The following CLDN14 variants were observed in gnomAD, a reference collection of about 807,000 sequenced individuals.
CLDN14 encodes claudin 14, also known as claudin-14.
A neutral mutation model predicts 2.1 loss-of-function variants in CLDN14; 2 were observed. That is an observed-to-expected ratio of 0.96 (90% CI 0.39 to 3.01). The LOEUF (loss-of-function observed/expected upper bound fraction) is 3.01. CLDN14 is among the 30% of genes most tolerant of loss of function. CLDN14 has a pLI of 0.09. For synonymous variants in CLDN14, 136 were observed against 154.4 expected (o/e 0.88, Z 0.88); for missense variants, 298 against 328.0 (o/e 0.91, Z 0.71).
intron 1 of CLDN14, among the ~76,000 whole-genome samples, chr21:36,568,639 C>T (rs954870327): frequency 1.9e-4 from 29 of 152,146 alleles, no homozygotes; most frequent in African/African-American, 6.0e-4. Context: ...GTGGGAGGAT[C>T]GCTTGAGCCC....
At chr21:36,522,438 C>A (rs548163164) in intron 1 of CLDN14, among the ~76,000 whole-genome samples, 1 of 152,334 alleles carries the variant, frequency 6.6e-6, no homozygotes, top group Non-Finnish European at 1.5e-5. Context: ...GGGGTTTGCA[C>A]ACAATCCTGC....
At chr21:36,529,973 C>T (rs1239312809) in intron 1 of CLDN14, among the ~76,000 whole-genome samples, 1 of 152,144 alleles carries the variant, frequency 6.6e-6, no homozygotes, top group African/African-American at 2.4e-5. Flanking sequence ...GACACCTGAG[C>T]GGGCACCTGC....
intron 1 of CLDN14, among the ~76,000 whole-genome samples, chr21:36,558,398 T>C (rs1190638616): frequency 6.6e-6 from 1 of 152,188 alleles, no homozygotes; most frequent in Non-Finnish European, 1.5e-5. Flanking sequence ...TAAACAATAT[T>C]AAGTCTTCTA....
chr21:36,539,417 CTG>C (rs571550123), intron 1 of CLDN14, among the ~76,000 whole-genome samples: 22 of 69,130 alleles, frequency 3.2e-4, no homozygotes, highest in African/African-American at 6.0e-4. Context: ...TGTGGAGTGA[CTG>C]TGGAGTGTGT....
chr21:36,514,057 C>T (rs4817805), intron 1 of CLDN14, among the ~76,000 whole-genome samples: 112,182 of 151,762 alleles, frequency 0.74, 44,158 homozygotes, highest in Non-Finnish European at 0.91. Context: ...GGGTTTCTCA[C>T]GTTGCCCAGG....
intron 1 of CLDN14, chr21:36,526,384 G>A (rs1388539932): frequency 6.6e-6 from 1 of 152,222 alleles, no homozygotes; most frequent in African/African-American, 2.4e-5. Flanking sequence ...ATGCTGAAGT[G>A]TAGCCTCAGG....
At chr21:36,506,835 G>A (rs1017804131) in intron 2 of CLDN14, among the ~76,000 whole-genome samples, 1 of 152,076 alleles carries the variant, frequency 6.6e-6, no homozygotes, top group Non-Finnish European at 1.5e-5. Context: ...AGAGTTACAA[G>A]AGGCCAGGTG....
chr21:36,510,378 A>T (rs1386874936), exon 2 of CLDN14: 1 of 152,276 alleles, frequency 6.6e-6, no homozygotes, highest in Non-Finnish European at 1.5e-5. Context: ...ACATCAGGAA[A>T]ACAAGAGGCC....
At chr21:36,565,265 C>T (rs1046597531) in intron 1 of CLDN14, among the ~76,000 whole-genome samples, 1 of 152,136 alleles carries the variant, frequency 6.6e-6, no homozygotes. Context: ...GTCTCTCAGC[C>T]CAGCCCTTGC....
At chr21:36,461,810 G>A (rs1271714663) in intron 1 of CLDN14, 34 bp from the exon 2 acceptor site, 3 of 1,374,872 alleles carry the variant, frequency 2.2e-6, no homozygotes, top group Admixed American at 2.2e-5. Context: ...AGCAGGGAGA[G>A]AAAGGAAATG....
At position 36,559,716 on chromosome 21, in the gene CLDN14, AC is replaced by A. The variant is rs1420580512; in HGVS notation, c.-220+16694del. Among the ~76,000 whole-genome samples the A allele has an allele frequency of 1.3e-4, 20 of 152,254 alleles. 1 individual carries two copies. Among genetic ancestry groups the A allele is most frequent in the African/African-American group, 4.8e-4 (20 of 41,468 alleles). ...TTTAACAGAAAGTACAAATATGAATACATTATAATTTGTAACTGCATTTAAA... is the reference window on the plus strand; with the variant it reads ...TTTAACAGAAAGTACAAATATGAATAATTATAATTTGTAACTGCATTTAAA... On this transcript the variant is annotated intron_variant, in intron 1 of 2. Transcript: ENST00000342108.
intron 1 of CLDN14, among the ~76,000 whole-genome samples, chr21:36,463,698 C>G (rs1318346985): frequency 6.6e-6 from 1 of 152,070 alleles, no homozygotes; most frequent in Admixed American, 6.6e-5. Flanking sequence ...GGCAACAGAG[C>G]AAGACTCTGT....
At chr21:36,567,738 A>T (rs2087683451) in intron 1 of CLDN14, among the ~76,000 whole-genome samples, 1 of 152,078 alleles carries the variant, frequency 6.6e-6, no homozygotes, top group Non-Finnish European at 1.5e-5. Context: ...GGCTCCATTC[A>T]CCTCAAATCC....
intron 1 of CLDN14, among the ~76,000 whole-genome samples, chr21:36,511,988 G>C (rs1340622348): frequency 6.6e-6 from 1 of 152,214 alleles, no homozygotes; most frequent in Non-Finnish European, 1.5e-5. Flanking sequence ...GTGGGTAACT[G>C]TTCCAGCTCA....
chr21:36,504,286 G>C (rs1049744269), intron 2 of CLDN14, among the ~76,000 whole-genome samples: 2 of 151,878 alleles, frequency 1.3e-5, no homozygotes, highest in African/African-American at 4.8e-5. Context: ...GCTGAAGAGA[G>C]TTATGATCGT....
chr21:36,463,993 G>C (rs545776319), intron 1 of CLDN14, among the ~76,000 whole-genome samples: 1 of 152,218 alleles, frequency 6.6e-6, no homozygotes, highest in Non-Finnish European at 1.5e-5. Flanking sequence ...AGGTGATAGG[G>C]TTTGGATTTG....
intron 1 of CLDN14, among the ~76,000 whole-genome samples, chr21:36,465,204 C>A (rs1055393438): frequency 6.6e-6 from 1 of 152,132 alleles, no homozygotes; most frequent in Non-Finnish European, 1.5e-5. Flanking sequence ...ACAGGGTGTC[C>A]CTGGTCCAAG....
At chr21:36,480,378 G>C (rs985033049), upstream of CLDN14, 9 of 152,264 alleles carry the variant, frequency 5.9e-5, no homozygotes, top group African/African-American at 2.2e-4. Flanking sequence ...GGAAGAAGGT[G>C]ACTTTCTTGG....
intron 1 of CLDN14, among the ~76,000 whole-genome samples, chr21:36,545,130 T>C (rs1455002097): frequency 6.6e-6 from 1 of 152,236 alleles, no homozygotes; most frequent in Non-Finnish European, 1.5e-5. Context: ...TGCCTTTCTG[T>C]GACTCTCTCT....
Sources: gnomAD v4.1 joint callset for allele counts (sites outside exome capture counted in the v4.1 genomes callset) on GRCh38, gnomAD v4.1.1 for gene constraint, MANE v1.5 for transcripts, NCBI Gene and HGNC (gene_info 2026-07-23, HGNC 2026-07-21) for gene names.